Variants in NFIB observed in about 807,000 individuals in gnomAD.
NFIB encodes the protein nuclear factor I B.
Under a neutral mutation model 61.5 loss-of-function variants are expected in NFIB, and 11 were observed. That is an observed-to-expected ratio of 0.18 (90% CI 0.11 to 0.30). The LOEUF (loss-of-function observed/expected upper bound fraction) is 0.30. Ranked by LOEUF, NFIB falls within the 10% of genes least tolerant of loss-of-function variation. The pLI, the probability that NFIB is intolerant of heterozygous loss-of-function variation, is 1.00. For missense variants in NFIB, 471 were observed against 608.9 expected, an observed-to-expected ratio of 0.77 and a Z score of 2.38; for synonymous variants, 260 against 216.5, an observed-to-expected ratio of 1.20 and a Z score of -1.76.
At chr9:14,186,552 G>T (rs1658194318) in intron 2 of NFIB, among the ~76,000 whole-genome samples, 1 of 152,016 alleles carries the variant, frequency 6.6e-6, no homozygotes, top group South Asian at 2.1e-4. Flanking sequence ...TTTATAGTAG[G>T]GAAATAAAAA....
chr9:14,179,499 G>A (rs1343365040), intron 3 of NFIB, among the ~76,000 whole-genome samples: 2 of 152,124 alleles, frequency 1.3e-5, no homozygotes, highest in Non-Finnish European at 2.9e-5. Flanking sequence ...TATTTTCAAA[G>A]AAACACCAAC....
chr9:14,503,268 T>C, the NFIB span, among the ~76,000 whole-genome samples: 1 of 152,110 alleles, frequency 6.6e-6, no homozygotes, highest in Non-Finnish European at 1.5e-5. Flanking sequence ...GCAAGTATCT[T>C]TTTCATGTAA....
the NFIB span, among the ~76,000 whole-genome samples, chr9:14,485,762 C>T: frequency 6.6e-6 from 1 of 152,020 alleles, no homozygotes; most frequent in African/African-American, 2.4e-5. Context: ...GTAGTCCCAG[C>T]TACTCAGGAG....
At chr9:14,220,494 C>G (rs1245702220) in intron 2 of NFIB, among the ~76,000 whole-genome samples, 1 of 152,102 alleles carries the variant, frequency 6.6e-6, no homozygotes, top group Non-Finnish European at 1.5e-5. Context: ...CATGGGGCTC[C>G]CTTTCGACCA....
the NFIB span, among the ~76,000 whole-genome samples, chr9:14,462,686 T>A: frequency 6.6e-6 from 1 of 152,156 alleles, no homozygotes; most frequent in Non-Finnish European, 1.5e-5. Context: ...TTTAGAGTTC[T>A]TAGTTAAAGT....
rs141462422 is a variant in NFIB, at chr9:14,201,413, C to T, written c.563-21633G>A. Among the ~76,000 whole-genome samples the T allele has an allele frequency of 5.2e-4, 79 of 152,282 alleles. 1 individual carries two copies. In the East Asian group the frequency reaches 0.011, roughly 21 times the overall value. On this transcript the variant is annotated intron_variant, in intron 2 of 10. Coordinates refer to ENST00000380953, the MANE Select transcript of NFIB (RefSeq NM_001190737.2). ...TCTTCTTAACAGTCCTAGAATATGC[C>T]GTGCAACTGCAGGTCTGTGCCCTTG...
chr9:14,338,787 CT>C (rs2060915424), intron 1 of NFIB, among the ~76,000 whole-genome samples: 2 of 151,698 alleles, frequency 1.3e-5, no homozygotes, highest in Admixed American at 6.6e-5. Context: ...TATGTTATTA[CT>C]TTTTTCCTTC....
At chr9:14,236,357 C>T (rs553680315) in intron 2 of NFIB, among the ~76,000 whole-genome samples, 1 of 152,294 alleles carries the variant, frequency 6.6e-6, no homozygotes, top group Admixed American at 6.5e-5. Flanking sequence ...GGTCAGTAAT[C>T]TTTAGTGATT....
At chr9:14,165,392 C>G (rs752754473) in intron 3 of NFIB, among the ~76,000 whole-genome samples, 22 of 151,984 alleles carry the variant, frequency 1.4e-4, no homozygotes, top group Non-Finnish European at 2.6e-4. Context: ...CTTCAAGATG[C>G]CTAAATAAAA....
chr9:14,160,355 TA>T (rs1268896421), intron 3 of NFIB, among the ~76,000 whole-genome samples: 1 of 152,162 alleles, frequency 6.6e-6, no homozygotes, highest in Non-Finnish European at 1.5e-5. Flanking sequence ...ATTTGAATGT[TA>T]AACAACATTT....
Position 14,148,431 on chromosome 9 carries a change from T to TA in NFIB, c.807-1625dup, listed in dbSNP as rs1026509594. On this transcript the variant is annotated intron_variant, in intron 5 of 10. Coordinates refer to ENST00000380953, the MANE Select transcript of NFIB (RefSeq NM_001190737.2). ...GCCCAGTGAATATTTTTTCTTTAAT[T>TA]AAAAAAAAAATCTTATTCACACCTA... is the stretch of plus-strand genomic sequence containing the variant. Among the ~76,000 whole-genome samples, 109 of 150,336 alleles carry TA rather than the reference T, an allele frequency of 7.3e-4. 1 individual carries two copies. Among genetic ancestry groups the TA allele is most frequent in the African/African-American group, 1.9e-3 (79 of 41,054 alleles).
the NFIB span, among the ~76,000 whole-genome samples, chr9:14,454,118 G>C: frequency 4.6e-5 from 7 of 152,292 alleles, no homozygotes; most frequent in African/African-American, 1.4e-4. Flanking sequence ...CATATAGGTA[G>C]TGTAAATATG....
intron 3 of NFIB, among the ~76,000 whole-genome samples, chr9:14,158,145 C>A (rs931068368): frequency 1.5e-4 from 21 of 144,744 alleles, no homozygotes; most frequent in African/African-American, 2.8e-5. Flanking sequence ...AACAAAAAAA[C>A]AAAACAACCT....
the NFIB span, among the ~76,000 whole-genome samples, chr9:14,409,686 C>T: frequency 6.6e-6 from 1 of 152,184 alleles, no homozygotes; most frequent in African/African-American, 2.4e-5. Flanking sequence ...AGTTAAGTAG[C>T]TTCTTCCTCT....
At chr9:14,342,721 T>G (rs977427885) in intron 1 of NFIB, among the ~76,000 whole-genome samples, 1 of 152,076 alleles carries the variant, frequency 6.6e-6, no homozygotes, top group South Asian at 2.1e-4. Flanking sequence ...ATTTTAAAAC[T>G]CCTCCCTTCC....
chr9:14,263,257 T>C (rs117285472), intron 2 of NFIB, among the ~76,000 whole-genome samples: 3 of 147,422 alleles, frequency 2.0e-5, no homozygotes, highest in Non-Finnish European at 4.5e-5. Context: ...GATGTTTCAA[T>C]GGCATTTGAA....
chr9:14,385,285 C>T (rs1293932910), intron 1 of NFIB, among the ~76,000 whole-genome samples: 2 of 152,192 alleles, frequency 1.3e-5, no homozygotes, highest in Admixed American at 1.3e-4. Flanking sequence ...AAACTTGGGA[C>T]CCAAGCCCCA....
intron 1 of NFIB, among the ~76,000 whole-genome samples, chr9:14,333,712 T>C (rs2060849025): frequency 6.6e-6 from 1 of 152,188 alleles, no homozygotes; most frequent in African/African-American, 2.4e-5. Flanking sequence ...GAATATTATA[T>C]AACACCGAGA....
chr9:14,230,976 G>A (rs118023793), intron 2 of NFIB, among the ~76,000 whole-genome samples: 6 of 151,482 alleles, frequency 4.0e-5, no homozygotes, highest in East Asian at 3.9e-4. Flanking sequence ...GGCAAAGGGG[G>A]AGCGGAGAAA....
Sources: allele counts gnomAD v4.1 joint callset (sites outside exome capture counted in the v4.1 genomes callset), GRCh38; gene constraint gnomAD v4.1.1; transcripts MANE v1.5; gene names NCBI Gene and HGNC (gene_info 2026-07-23, HGNC 2026-07-21).